Variants in DPH6 observed in about 807,000 individuals in gnomAD.
The protein encoded by DPH6 is diphthine--ammonia ligase.
A neutral mutation model predicts 38.2 loss-of-function variants in DPH6; 33 were observed. The ratio of observed to expected loss-of-function variants is 0.86; its 90% CI spans 0.65 to 1.15. DPH6 has a LOEUF of 1.15. Ranked by LOEUF, DPH6 falls within the 50% of genes most tolerant of loss-of-function variation. DPH6 has a pLI of 0.00. For missense variants in DPH6, 325 were observed against 320.0 expected (o/e 1.02, Z -0.12); for synonymous variants, 108 against 103.0 (o/e 1.05, Z -0.30).
At chr15:35,229,739 T>G (rs2051504469) in intron 3 of DPH6, among the ~76,000 whole-genome samples, 2 of 152,240 alleles carry the variant, frequency 1.3e-5, no homozygotes, top group Admixed American at 6.5e-5. Context: ...ATCTAACCTG[T>G]ATCTGCTTTT....
chr15:35,520,233 A>C (rs1029206299), intron 3 of DPH6: 23 of 799,824 alleles, frequency 2.9e-5, no homozygotes, highest in Non-Finnish European at 2.9e-5. Flanking sequence ...AAAAAAACAA[A>C]AAAAAAACAA....
At chr15:35,189,818 T>C in the DPH6 span, among the ~76,000 whole-genome samples, 9 of 152,180 alleles carry the variant, frequency 5.9e-5, no homozygotes, top group Non-Finnish European at 1.0e-4. Context: ...ATATCCTTTT[T>C]ACCGGGGGCT....
At chr15:35,471,802 T>C (rs2054201819) in intron 3 of DPH6, among the ~76,000 whole-genome samples, 1 of 150,696 alleles carries the variant, frequency 6.6e-6, no homozygotes, top group African/African-American at 2.5e-5. Flanking sequence ...ACTCTGTACA[T>C]TTCTTGATAT....
chr15:35,436,716 C>G (rs2053720457), intron 5 of DPH6, among the ~76,000 whole-genome samples: 1 of 150,882 alleles, frequency 6.6e-6, no homozygotes, highest in East Asian at 2.0e-4. Flanking sequence ...TTTTGTTTTT[C>G]TCCATCCTGT....
chr15:35,246,608 A>G (rs775713905), intron 3 of DPH6, among the ~76,000 whole-genome samples: 8 of 152,186 alleles, frequency 5.3e-5, no homozygotes, highest in Non-Finnish European at 7.3e-5. Flanking sequence ...AGGCATTTAA[A>G]TGATTTTATT....
At chr15:35,452,128 A>G (rs2053942894) in intron 4 of DPH6, among the ~76,000 whole-genome samples, 1 of 139,392 alleles carries the variant, frequency 7.2e-6, no homozygotes, top group African/African-American at 2.7e-5. Flanking sequence ...CCTGCACTTT[A>G]TTTCCTACTA....
chr15:35,384,241 A>G (rs1472980643), intron 6 of DPH6, among the ~76,000 whole-genome samples: 1 of 151,932 alleles, frequency 6.6e-6, no homozygotes, highest in Non-Finnish European at 1.5e-5. Context: ...GAAAAATACT[A>G]AATCATTAAC....
intron 2 of DPH6, among the ~76,000 whole-genome samples, chr15:35,540,729 T>A (rs2055240302): frequency 6.6e-6 from 1 of 152,132 alleles, no homozygotes; most frequent in South Asian, 2.1e-4. Flanking sequence ...ACTTTGCTTG[T>A]CATTTTACCA....
downstream of DPH6, among the ~76,000 whole-genome samples, chr15:35,213,909 G>A (rs560870034): frequency 2.6e-4 from 40 of 152,252 alleles, no homozygotes; most frequent in Admixed American, 2.0e-3. Flanking sequence ...TCAGGAGATC[G>A]AGACCATCCT....
chr15:35,356,941 C>T (rs1219080008), intron 3 of DPH6, among the ~76,000 whole-genome samples: 1 of 152,220 alleles, frequency 6.6e-6, no homozygotes, highest in Admixed American at 6.5e-5. Context: ...TCAGTTCGAG[C>T]TTCCTGGCCA....
intron 3 of DPH6, among the ~76,000 whole-genome samples, chr15:35,357,627 C>T (rs2052576082): frequency 6.6e-6 from 1 of 152,166 alleles, no homozygotes. Context: ...CTGTATCTTT[C>T]CTTCATATAT....
chr15:35,274,594 C>T (rs1480586159), intron 3 of DPH6, among the ~76,000 whole-genome samples: 1 of 151,698 alleles, frequency 6.6e-6, no homozygotes, highest in African/African-American at 2.4e-5. Flanking sequence ...TATGAACAGA[C>T]ACTTCTCAAA....
intron 3 of DPH6, among the ~76,000 whole-genome samples, chr15:35,460,891 C>A (rs961138642): frequency 1.8e-5 from 2 of 112,636 alleles, no homozygotes; most frequent in Non-Finnish European, 3.6e-5. Flanking sequence ...CAAAGAGATA[C>A]TCACAAACTG....
intron 3 of DPH6, among the ~76,000 whole-genome samples, chr15:35,299,995 G>A (rs964011743): frequency 6.6e-5 from 10 of 152,194 alleles, no homozygotes; most frequent in Non-Finnish European, 2.9e-5. Context: ...GAAGTTGCTA[G>A]GGCAGTTTGG....
chr15:35,341,806 G>A (rs573470614), intron 3 of DPH6, among the ~76,000 whole-genome samples: 22 of 152,174 alleles, frequency 1.4e-4, no homozygotes, highest in African/African-American at 4.8e-4. Context: ...GAGGTGGCTG[G>A]AGATCCCTTT....
At chr15:35,169,387 A>G in the DPH6 span, among the ~76,000 whole-genome samples, 1 of 152,152 alleles carries the variant, frequency 6.6e-6, no homozygotes, top group South Asian at 2.1e-4. Flanking sequence ...GGATTAAACC[A>G]TGGAAAAATC....
chr15:35,458,789 T>C (rs1289792122), intron 3 of DPH6, among the ~76,000 whole-genome samples: 1 of 152,220 alleles, frequency 6.6e-6, no homozygotes, highest in Non-Finnish European at 1.5e-5. Context: ...TCAACTGAGG[T>C]ATAATCATGT....
At chr15:35,397,771 C>T (rs1302934131) in intron 6 of DPH6, among the ~76,000 whole-genome samples, 2 of 151,750 alleles carry the variant, frequency 1.3e-5, no homozygotes, top group East Asian at 3.9e-4. Flanking sequence ...AGGTTTATTC[C>T]CTACAGCAGA....
intron 5 of DPH6, among the ~76,000 whole-genome samples, chr15:35,428,716 G>A (rs956998399): frequency 6.6e-6 from 1 of 152,004 alleles, no homozygotes; most frequent in Non-Finnish European, 1.5e-5. Context: ...ATTGTGAATT[G>A]CTATAAAAAT....
Sources: allele counts gnomAD v4.1 joint callset (sites outside exome capture counted in the v4.1 genomes callset), GRCh38; gene constraint gnomAD v4.1.1; transcripts MANE v1.5; gene names NCBI Gene and HGNC (gene_info 2026-07-23, HGNC 2026-07-21).